Variants in TPO observed in about 807,000 individuals in gnomAD.
The protein encoded by TPO is thyroid microsomal antigen.
A neutral mutation model predicts 96.9 loss-of-function variants in TPO; 78 were observed. The observed-to-expected ratio is 0.81, with a 90% CI of 0.67 to 0.97. TPO has a LOEUF of 0.97. TPO is among the 50% of genes least tolerant of loss of function. TPO has a pLI of 0.00. For synonymous variants in TPO, 547 were observed against 538.0 expected (o/e 1.02, Z -0.23); for missense variants, 1,252 against 1,274.8 (o/e 0.98, Z 0.27).
chr2:1,497,023 G>A (rs1672426757), intron 13 of TPO, among the ~76,000 whole-genome samples: 1 of 152,126 alleles, frequency 6.6e-6, no homozygotes, highest in African/African-American at 2.4e-5. Flanking sequence ...GAAGAGAGAG[G>A]GGAGTCCGTG....
chr2:1,376,088 C>T (rs1042625135), intron 1 of TPO, among the ~76,000 whole-genome samples: 1 of 152,144 alleles, frequency 6.6e-6, no homozygotes, highest in Non-Finnish European at 1.5e-5. Flanking sequence ...TAAAGATGAG[C>T]GCGGCACCAT....
intron 1 of TPO, among the ~76,000 whole-genome samples, chr2:1,398,353 G>C (rs1012330164): frequency 1.3e-5 from 2 of 152,182 alleles, no homozygotes; most frequent in East Asian, 3.9e-4. Context: ...TTCTATGCCA[G>C]CTCTGGCACG....
rs1680647881 is a variant in TPO, at chr2:1,540,695, A to G, written c.2720A>G (p.Gln907Arg). The change falls in exon 16 of 17, where the codon CAG becomes CGG. Residue 907 changes from glutamine to arginine, a missense_variant. Coordinates refer to ENST00000329066, the MANE Select transcript of TPO (RefSeq NM_001206744.2). ...GKHQAVGTSP[Q>R]RAAAQDSEQE... Reference sequence around the variant, plus strand: ...CACCAGGCCGTAGGGACCTCACCGCAGCGGGCCGCAGCTCAGGACTCGGAG... The same window carrying G: ...CACCAGGCCGTAGGGACCTCACCGCGGCGGGCCGCAGCTCAGGACTCGGAG... The G allele has an allele frequency of 1.2e-6, 2 of 1,613,328 alleles. No homozygotes were observed. Among genetic ancestry groups the G allele is most frequent in the Non-Finnish European group, 1.7e-6 (2 of 1,180,038 alleles).
At chr2:1,385,509 A>T (rs773020783) in intron 1 of TPO, among the ~76,000 whole-genome samples, 18 of 152,222 alleles carry the variant, frequency 1.2e-4, no homozygotes, top group Non-Finnish European at 2.6e-4. Flanking sequence ...AGGTGTTTAT[A>T]GTAGTCTCTG....
chr2:1,414,372 T>G (rs1251573505), intron 1 of TPO, 36 bp from the exon 2 acceptor site: 13 of 1,595,498 alleles, frequency 8.1e-6, no homozygotes, highest in Non-Finnish European at 1.1e-5. Context: ...TTGTCAGTGC[T>G]TGATTACATA....
intron 4 of TPO, among the ~76,000 whole-genome samples, chr2:1,433,925 TA>T (rs1665290110): frequency 6.6e-6 from 1 of 152,170 alleles, no homozygotes; most frequent in African/African-American, 2.4e-5. Flanking sequence ...CCCTCTTAGT[TA>T]AAACTTGGCA....
At chr2:1,532,255 CCCCCCACTGTGTGCAACCTCCTCAAGT>C (rs1678466028) in intron 15 of TPO, among the ~76,000 whole-genome samples, 1 of 47,058 alleles carries the variant, frequency 2.1e-5, no homozygotes, top group Non-Finnish European at 4.1e-5. Flanking sequence ...CTCCTCAAAT[CCCCCCACTGTGTGCAACCTCCTCAAGT>C]CCCCCACTGT....
chr2:1,433,814 A>G (rs554653224), intron 4 of TPO, among the ~76,000 whole-genome samples: 31 of 152,364 alleles, frequency 2.0e-4, no homozygotes, highest in African/African-American at 7.0e-4. Flanking sequence ...TCTGGAAAAT[A>G]GCCATTTCTC....
chr2:1,538,566 TTTTAA>T (rs778864789), intron 15 of TPO, among the ~76,000 whole-genome samples: 1 of 152,220 alleles, frequency 6.6e-6, no homozygotes, highest in East Asian at 1.9e-4. Context: ...ATGCCAATTA[TTTTAA>T]TTTAAATTTC....
intron 1 of TPO, among the ~76,000 whole-genome samples, chr2:1,378,927 C>A (rs1052953397): frequency 1.3e-5 from 2 of 152,146 alleles, no homozygotes; most frequent in Non-Finnish European, 2.9e-5. Context: ...CTCACTGAAC[C>A]CTGGCGAGGT....
intron 3 of TPO, among the ~76,000 whole-genome samples, chr2:1,429,934 G>A (rs1041026047): frequency 2.0e-5 from 3 of 152,190 alleles, no homozygotes; most frequent in African/African-American, 7.2e-5. Flanking sequence ...TGGAAAATTT[G>A]CAGGCTAGCC....
In TPO at chr2:1,493,969, A is replaced by G. The variant is rs1231249432; in HGVS notation, c.1936A>G (p.Arg646Gly). 1 of 1,614,062 alleles carries G rather than the reference A, an allele frequency of 6.2e-7. No homozygotes were observed. The highest frequency in any genetic ancestry group is 8.5e-7 in the Non-Finnish European group (1 of 1,180,040). The change falls in exon 11 of 17, where the codon AGG becomes GGG. Residue 646 changes from arginine (R) to glycine (G), a missense_variant. Coordinates refer to ENST00000329066, the MANE Select transcript of TPO (RefSeq NM_001206744.2). ...LGGLAENFLP[R>G]ARTGPLFACL... ...AGGCTTAGCTGAAAACTTCCTCCCC[A>G]GGGCTCGGACAGGGCCCCTGTTTGC...
chr2:1,441,784 A>T (rs993503218), intron 5 of TPO, among the ~76,000 whole-genome samples: 1 of 152,170 alleles, frequency 6.6e-6, no homozygotes, highest in African/African-American at 2.4e-5. Context: ...GGGCCTGAGG[A>T]TGTCCTGCAG....
At chr2:1,504,970 G>T (rs982555977) in intron 14 of TPO, among the ~76,000 whole-genome samples, 1 of 152,176 alleles carries the variant, frequency 6.6e-6, no homozygotes, top group Non-Finnish European at 1.5e-5. Flanking sequence ...GTCCAGCCAG[G>T]GCGGAGAGGG....
intron 1 of TPO, among the ~76,000 whole-genome samples, chr2:1,385,516 T>G (rs1461610724): frequency 6.6e-6 from 1 of 152,226 alleles, no homozygotes; most frequent in Non-Finnish European, 1.5e-5. Context: ...TATAGTAGTC[T>G]CTGATGGTCG....
intron 4 of TPO, among the ~76,000 whole-genome samples, chr2:1,435,900 A>G (rs999700708): frequency 1.3e-5 from 2 of 152,196 alleles, no homozygotes; most frequent in Non-Finnish European, 2.9e-5. Context: ...CTGTTCGAAT[A>G]TGATGAATGA....
intron 9 of TPO, among the ~76,000 whole-genome samples, chr2:1,486,993 T>G (rs1456775329): frequency 1.3e-5 from 2 of 152,214 alleles, no homozygotes; most frequent in African/African-American, 4.8e-5. Flanking sequence ...TTGGGCATCC[T>G]AAGGCCAAAC....
chr2:1,542,430 G>C lies in TPO; in HGVS notation c.2758G>C (p.Gly920Arg), dbSNP rs780185747. The change falls in exon 17 of 17, where the codon GGG becomes CGG. Residue 920 changes from glycine to arginine, a missense_variant. Transcript: ENST00000329066. Reference sequence around the variant, plus strand: ...TTCTGCATTTTTGCAGGAGAGTGCTGGGATGGAAGGCCGGGATACTCACAG... The same window carrying C: ...TTCTGCATTTTTGCAGGAGAGTGCTCGGATGGAAGGCCGGGATACTCACAG... ...AAQDSEQESAGMEGRDTHRLP... is the reference protein window; with the variant it reads ...AAQDSEQESARMEGRDTHRLP... 11 of 1,614,214 alleles carry C rather than the reference G, an allele frequency of 6.8e-6. No individual in the cohort carries two copies. The Admixed American group carries it at 1.7e-4, about 24-fold the overall frequency.
chr2:1,412,512 T>C (rs1366298166), upstream of TPO, among the ~76,000 whole-genome samples: 1 of 152,186 alleles, frequency 6.6e-6, no homozygotes, highest in Non-Finnish European at 1.5e-5. Context: ...GGGTGAGTGA[T>C]GAGGATTGAG....
Sources: allele counts gnomAD v4.1 joint callset (sites outside exome capture counted in the v4.1 genomes callset), GRCh38; gene constraint gnomAD v4.1.1; transcripts MANE v1.5; gene names NCBI Gene and HGNC (gene_info 2026-07-23, HGNC 2026-07-21).